Variants in MED13L observed in about 807,000 individuals in gnomAD.
MED13L encodes mediator of RNA polymerase II transcription subunit 13-like.
Under a neutral mutation model 220.9 loss-of-function variants are expected in MED13L, and 7 were observed. That is an observed-to-expected ratio of 0.03 (90% CI 0.02 to 0.06). The LOEUF (loss-of-function observed/expected upper bound fraction) is 0.06. Among genes scored for constraint, MED13L ranks in the 10% least tolerant of loss-of-function variants. MED13L has a pLI of 1.00. For synonymous variants in MED13L, 1,011 were observed against 1,015.2 expected, an observed-to-expected ratio of 1.00 and a Z score of 0.08; for missense variants, 1,965 against 2,760.5, an observed-to-expected ratio of 0.71 and a Z score of 6.46.
At chr12:116,124,568 TC>T (rs1875417660) in intron 2 of MED13L, among the ~76,000 whole-genome samples, 1 of 152,080 alleles carries the variant, frequency 6.6e-6, no homozygotes, top group South Asian at 2.1e-4. Flanking sequence ...AAAATGCTAC[TC>T]CAAGACAGAA....
At chr12:116,041,264 G>C (rs369449013) in intron 4 of MED13L, among the ~76,000 whole-genome samples, 18 of 152,136 alleles carry the variant, frequency 1.2e-4, no homozygotes, top group East Asian at 3.9e-4. Context: ...GTATGTGTGT[G>C]TCTCTCCCCT....
At chr12:115,976,456 AC>A (rs1214894653) in intron 23 of MED13L, among the ~76,000 whole-genome samples, 29 of 152,238 alleles carry the variant, frequency 1.9e-4, no homozygotes, top group Non-Finnish European at 4.3e-4. Flanking sequence ...AGGCAAAACT[AC>A]ACTGTCAGAA....
chr12:116,118,323 A>G (rs982123414), intron 2 of MED13L, among the ~76,000 whole-genome samples: 1 of 152,150 alleles, frequency 6.6e-6, no homozygotes, highest in Admixed American at 6.5e-5. Context: ...CTTAGAAAAC[A>G]ATAGAAAATT....
chr12:116,119,029 T>G (rs1014835192), intron 2 of MED13L, among the ~76,000 whole-genome samples: 7 of 151,902 alleles, frequency 4.6e-5, no homozygotes, highest in Admixed American at 1.3e-4. Flanking sequence ...AATGGGGAGG[T>G]GGGGAGACTA....
At chr12:116,000,348 G>C (rs1251459875) in intron 14 of MED13L, among the ~76,000 whole-genome samples, 1 of 152,198 alleles carries the variant, frequency 6.6e-6, no homozygotes, top group African/African-American at 2.4e-5. Context: ...CAGCCACCAG[G>C]ACGGACTGGA....
intron 1 of MED13L, among the ~76,000 whole-genome samples, chr12:116,243,119 A>G (rs1488732469): frequency 6.6e-6 from 1 of 152,200 alleles, no homozygotes; most frequent in Non-Finnish European, 1.5e-5. Context: ...TTATCACTAT[A>G]AGATGGTATC....
intron 2 of MED13L, among the ~76,000 whole-genome samples, chr12:116,176,449 A>G (rs1184819682): frequency 6.6e-6 from 1 of 152,208 alleles, no homozygotes; most frequent in African/African-American, 2.4e-5. Flanking sequence ...GCAGAGAAAC[A>G]GAAGAGTAGC....
intron 23 of MED13L, 74 bp downstream of exon 23, chr12:115,980,676 G>A: frequency 6.7e-7 from 1 of 1,490,666 alleles, no homozygotes; most frequent in Non-Finnish European, 9.3e-7. Context: ...GCCAATCTCT[G>A]GGTTAGATAA....
At chr12:116,026,728 A>G (rs565652460) in intron 4 of MED13L, among the ~76,000 whole-genome samples, 3 of 152,362 alleles carry the variant, frequency 2.0e-5, no homozygotes, top group Admixed American at 2.0e-4. Context: ...CAGGAATGAC[A>G]GCACTGACAC....
intron 2 of MED13L, among the ~76,000 whole-genome samples, chr12:116,202,660 C>G (rs906379042): frequency 2.0e-5 from 3 of 152,132 alleles, no homozygotes; most frequent in African/African-American, 2.4e-5. Flanking sequence ...CCTCGGCTTA[C>G]GCATTTTTAA....
chr12:116,044,824 C>T (rs536128735), intron 4 of MED13L, among the ~76,000 whole-genome samples: 27 of 152,284 alleles, frequency 1.8e-4, no homozygotes, highest in Admixed American at 5.9e-4. Flanking sequence ...CAAAGCTCAT[C>T]ATCAAAAATC....
At chr12:115,971,781 G>A (rs1445828575) in intron 26 of MED13L, among the ~76,000 whole-genome samples, 3 of 152,146 alleles carry the variant, frequency 2.0e-5, no homozygotes, top group African/African-American at 7.2e-5. Context: ...TTTGGAGGGT[G>A]ATCTTCATAT....
chr12:116,017,491 C>A (rs1233323597), intron 7 of MED13L, among the ~76,000 whole-genome samples: 1 of 152,122 alleles, frequency 6.6e-6, no homozygotes, highest in Non-Finnish European at 1.5e-5. Context: ...ATTCATATAT[C>A]TTCTCTATGA....
intron 2 of MED13L, among the ~76,000 whole-genome samples, chr12:116,154,149 G>T (rs1878261216): frequency 6.6e-6 from 1 of 152,150 alleles, no homozygotes; most frequent in Non-Finnish European, 1.5e-5. Context: ...ACTCAATGAA[G>T]CATTGTGACT....
intron 2 of MED13L, among the ~76,000 whole-genome samples, chr12:116,124,119 A>AGAGAGAGAGAGAGAGAGAGAGAG (rs1875335485): frequency 1.0e-5 from 1 of 100,414 alleles, no homozygotes; most frequent in South Asian, 4.1e-4. Flanking sequence ...GAGAGAGAGA[A>AGAGAGAGAGAGAGAGAGAGAGAG]AGACGAGAGA....
At chr12:116,171,282 T>TG (rs1185842501) in intron 2 of MED13L, among the ~76,000 whole-genome samples, 1 of 152,176 alleles carries the variant, frequency 6.6e-6, no homozygotes, top group African/African-American at 2.4e-5. Flanking sequence ...AACAGCCACA[T>TG]GGCTTTTTCA....
intron 4 of MED13L, among the ~76,000 whole-genome samples, chr12:116,038,951 T>C (rs2137534026): frequency 6.6e-6 from 1 of 152,150 alleles, no homozygotes; most frequent in Non-Finnish European, 1.5e-5. Flanking sequence ...CTACCTTAAA[T>C]ACTTCTCTAA....
chr12:115,978,594 TGGGATTATA>T (rs1877117433), intron 23 of MED13L, among the ~76,000 whole-genome samples: 1 of 152,150 alleles, frequency 6.6e-6, no homozygotes, highest in Admixed American at 6.5e-5. Flanking sequence ...CCCAAAGTGT[TGGGATTATA>T]GGCATGAGCC....
intron 2 of MED13L, among the ~76,000 whole-genome samples, chr12:116,129,908 C>CA (rs572694841): frequency 0.25 from 23,560 of 95,060 alleles, 2,118 homozygotes; most frequent in Middle Eastern, 0.38. Context: ...GACTCAGTCT[C>CA]AAAAAAAAAA....
Sources: allele counts gnomAD v4.1 joint callset (sites outside exome capture counted in the v4.1 genomes callset), GRCh38; gene constraint gnomAD v4.1.1; transcripts MANE v1.5; gene names NCBI Gene and HGNC (gene_info 2026-07-23, HGNC 2026-07-21).